The following RBM47 variants were observed in gnomAD, a reference collection of about 807,000 sequenced individuals.
RBM47 encodes the protein RNA binding motif protein 47.
RBM47 carries 21 observed loss-of-function variants against 47.1 expected under a neutral mutation model. The observed-to-expected ratio is 0.45, with a 90% CI of 0.32 to 0.64. RBM47 has a LOEUF of 0.64. Ranked by LOEUF, RBM47 falls within the 30% of genes least tolerant of loss-of-function variation. The pLI is 0.05. For synonymous variants in RBM47, 375 were observed against 361.7 expected, an observed-to-expected ratio of 1.04 and a Z score of -0.42; for missense variants, 708 against 870.9, an observed-to-expected ratio of 0.81 and a Z score of 2.35.
intron 5 of RBM47, among the ~76,000 whole-genome samples, chr4:40,435,566 C>T (rs1712203869): frequency 6.6e-6 from 1 of 152,022 alleles, no homozygotes; most frequent in Non-Finnish European, 1.5e-5. Flanking sequence ...ACAAAACTTT[C>T]ACCACTGCCT....
At position 40,585,471 on chromosome 4, in the gene RBM47, T is replaced by C. The variant is rs557394057; in HGVS notation, c.-239-40965A>G. Among the ~76,000 whole-genome samples the C allele has an allele frequency of 2.6e-5, 4 of 152,318 alleles. No individual in the cohort carries two copies. The South Asian group carries it at 8.3e-4, about 32-fold the overall frequency. ...AATATTCCTAATTGTTTCAATAGGC[T>C]CTAATAAACTGACTTTTAAAGATCT... On this transcript the variant is annotated intron_variant, in intron 1 of 6. Transcript: ENST00000295971.
chr4:40,460,338 A>G (rs1716927146), intron 3 of RBM47, among the ~76,000 whole-genome samples: 1 of 152,084 alleles, frequency 6.6e-6, no homozygotes, highest in South Asian at 2.1e-4. Context: ...AGGCCTGCCC[A>G]TGAAGGCAGT....
At position 40,423,700 on chromosome 4, in the gene RBM47, CTTT is replaced by C. The variant is rs1560337275; in HGVS notation, c.*2201_*2203del. On this transcript the variant is annotated 3_prime_UTR_variant, in exon 7 of 7. Transcript: ENST00000295971. ...TCTTTCTTTCTTTCTTTCTTTCTTT[CTTT>C]CTTTCTTTCTTTTCTTTCTTTTCTT... 9.3e-5 allele frequency: 7 copies of C among 75,098 alleles called. 1 individual carries two copies. Among genetic ancestry groups the C allele is most frequent in the African/African-American group, 4.2e-4 (6 of 14,138 alleles). 4.7% of individuals were successfully genotyped at this position (75,098 alleles called of 1,614,324 possible). A position where few individuals can be genotyped will look rare whatever the true frequency, so the allele number is the denominator to read the frequency against.
intron 2 of RBM47, among the ~76,000 whole-genome samples, chr4:40,478,945 CAT>C (rs1403125415): frequency 8.5e-5 from 13 of 152,226 alleles, no homozygotes; most frequent in African/African-American, 2.2e-4. Context: ...TGTATTAACA[CAT>C]GACTAAAGCA....
rs565359802 is a variant in RBM47, at chr4:40,600,449, G to A, written c.-240+28947C>T. On this transcript the variant is annotated intron_variant, in intron 1 of 6. Coordinates refer to ENST00000295971, the MANE Select transcript of RBM47 (RefSeq NM_001098634.2). ...GGAGATTGAGACCATGCTGGCTAAC[G>A]TGGTGAAACCCCGTCTCTACTAAAA... Among the ~76,000 whole-genome samples the A allele has an allele frequency of 1.0e-3, 149 of 148,768 alleles. No individual in the cohort carries two copies. In the South Asian group the frequency reaches 0.01, roughly 10 times the overall value.
chr4:40,487,052 C>T (rs1560411103), intron 2 of RBM47, among the ~76,000 whole-genome samples: 1 of 152,184 alleles, frequency 6.6e-6, no homozygotes, highest in Admixed American at 6.5e-5. Context: ...CCTAAGATTT[C>T]AGTAGCCACA....
chr4:40,432,916 G>T, intron 5 of RBM47, 54 bp from the exon 6 acceptor site: 2 of 1,599,954 alleles, frequency 1.3e-6, no homozygotes, highest in Non-Finnish European at 1.7e-6. Context: ...TCGCTGAGTG[G>T]GGTCCAGCAC....
At position 40,513,714 on chromosome 4, in the gene RBM47, C is replaced by CT. The variant is rs1351660143; in HGVS notation, c.-155+30707dup. On this transcript the variant is annotated intron_variant, in intron 2 of 6. Coordinates refer to ENST00000295971, the MANE Select transcript of RBM47 (RefSeq NM_001098634.2). ...AGGATAAGAGGCCGTTTTAAACTGA[C>CT]TTTTTTTTTTTTTCTTTTTTGGAGA... Among the ~76,000 whole-genome samples, 611 of 146,010 alleles carry CT rather than the reference C, an allele frequency of 4.2e-3. 1 individual carries two copies. The highest frequency in any genetic ancestry group is 9.9e-3 in the African/African-American group (398 of 40,094).
chr4:40,540,638 C>CAAAAAA (rs367927651), intron 2 of RBM47, among the ~76,000 whole-genome samples: 3 of 106,948 alleles, frequency 2.8e-5, no homozygotes, highest in African/African-American at 4.0e-5. Context: ...AACTCTGTCT[C>CAAAAAA]AAAAAAAAAA....
At chr4:40,520,762 A>G (rs998877955) in intron 2 of RBM47, among the ~76,000 whole-genome samples, 1 of 152,162 alleles carries the variant, frequency 6.6e-6, no homozygotes, top group Non-Finnish European at 1.5e-5. Context: ...GATGTGTAAG[A>G]AAGGGCCCAG....
intron 1 of RBM47, among the ~76,000 whole-genome samples, chr4:40,596,898 T>A (rs909074242): frequency 7.2e-5 from 11 of 152,178 alleles, no homozygotes; most frequent in African/African-American, 2.7e-4. Flanking sequence ...TACAGAGGTG[T>A]TTGTTGTACC....
At chr4:40,612,164 G>A (rs926642519) in intron 1 of RBM47, among the ~76,000 whole-genome samples, 2 of 152,210 alleles carry the variant, frequency 1.3e-5, no homozygotes, top group African/African-American at 4.8e-5. Context: ...ATTAGATCCT[G>A]ATCATGGATC....
intron 1 of RBM47, among the ~76,000 whole-genome samples, chr4:40,592,979 ATTTTTTTTTTTTTT>A (rs869035345): frequency 7.0e-5 from 1 of 14,190 alleles, no homozygotes; most frequent in African/African-American, 3.2e-4. Context: ...ATATATATAT[ATTTTTTTTTTTTTT>A]TTTTTTTTTT....
intron 3 of RBM47, among the ~76,000 whole-genome samples, chr4:40,458,689 A>G (rs1259264849): frequency 6.6e-6 from 1 of 152,074 alleles, no homozygotes; most frequent in African/African-American, 2.4e-5. Flanking sequence ...TCCAGAAAAT[A>G]TGTGTTCTTT....
intron 3 of RBM47, among the ~76,000 whole-genome samples, chr4:40,442,969 C>T (rs148749329): frequency 2.6e-4 from 40 of 152,230 alleles, no homozygotes; most frequent in Admixed American, 8.5e-4. Flanking sequence ...CCACCGTGCC[C>T]GGCTTATTCA....
At chr4:40,447,784 G>T (rs1714758666) in intron 3 of RBM47, among the ~76,000 whole-genome samples, 2 of 152,158 alleles carry the variant, frequency 1.3e-5, no homozygotes, top group South Asian at 4.1e-4. Flanking sequence ...GCTGAGGCGG[G>T]TGGATCACAA....
intron 2 of RBM47, among the ~76,000 whole-genome samples, chr4:40,495,562 A>T (rs1722454909): frequency 6.6e-6 from 1 of 152,116 alleles, no homozygotes; most frequent in Admixed American, 6.5e-5. Context: ...AGATCACACC[A>T]CTGCACTCCA....
chr4:40,568,855 C>CCAAT (rs1731365383), intron 1 of RBM47, among the ~76,000 whole-genome samples: 2 of 151,848 alleles, frequency 1.3e-5, no homozygotes, highest in Non-Finnish European at 2.9e-5. Context: ...CTGATGGGTG[C>CCAAT]CTGTAGTCCC....
At chr4:40,511,014 T>G (rs1374873718) in intron 2 of RBM47, among the ~76,000 whole-genome samples, 1 of 152,128 alleles carries the variant, frequency 6.6e-6, no homozygotes, top group African/African-American at 2.4e-5. Context: ...AGATCTTGAG[T>G]TGCTAGACAA....
Sources: gnomAD v4.1 joint callset for allele counts (sites outside exome capture counted in the v4.1 genomes callset) on GRCh38, gnomAD v4.1.1 for gene constraint, MANE v1.5 for transcripts, NCBI Gene and HGNC (gene_info 2026-07-23, HGNC 2026-07-21) for gene names.